Variants in CWC27 observed in about 807,000 individuals in gnomAD.
CWC27 encodes CWC27 spliceosome associated cyclophilin, also known as spliceosome-associated protein CWC27 homolog.
In CWC27, 47 loss-of-function variants were observed where a neutral mutation model predicts 63.6. That is an observed-to-expected ratio of 0.74 (90% confidence interval 0.58 to 0.94). The LOEUF is 0.94. Among genes scored for constraint, CWC27 ranks in the 40% least tolerant of loss-of-function variants. The pLI is 0.00. For missense variants in CWC27, 495 were observed against 554.3 expected, an observed-to-expected ratio of 0.89 and a Z score of 1.07; for synonymous variants, 175 against 179.8, an observed-to-expected ratio of 0.97 and a Z score of 0.22.
chr5:64,915,503 T>C (rs1747873126), intron 11 of CWC27, among the ~76,000 whole-genome samples: 3 of 152,192 alleles, frequency 2.0e-5, no homozygotes, highest in South Asian at 2.1e-4. Context: ...TTGTGTACTT[T>C]CCAGTATCTC....
At chr5:64,995,738 G>A (rs1749618948) in intron 13 of CWC27, among the ~76,000 whole-genome samples, 1 of 152,104 alleles carries the variant, frequency 6.6e-6, no homozygotes, top group Non-Finnish European at 1.5e-5. Context: ...CTGCTTAATT[G>A]TTGTAGCAAT....
At chr5:64,810,888 A>C (rs536544237) in intron 10 of CWC27, among the ~76,000 whole-genome samples, 2 of 152,258 alleles carry the variant, frequency 1.3e-5, no homozygotes, top group Admixed American at 1.3e-4. Context: ...TCTCAGCTGC[A>C]CTTGATTTTA....
chr5:64,947,526 C>T (rs1233698901), intron 11 of CWC27, among the ~76,000 whole-genome samples: 2 of 152,080 alleles, frequency 1.3e-5, no homozygotes, highest in Admixed American at 6.6e-5. Flanking sequence ...TTTATGTAAA[C>T]ATCATTTTAA....
intron 10 of CWC27, among the ~76,000 whole-genome samples, chr5:64,832,161 A>G (rs1289255447): frequency 2.0e-5 from 3 of 151,874 alleles, no homozygotes; most frequent in Non-Finnish European, 4.4e-5. Context: ...TGAATCTTTT[A>G]CCCATGTGTG....
rs1245861359 is a variant in CWC27 at position 64,786,545 on chromosome 5, G to C, written c.517G>C (p.Asp173His). Residue 173 changes from aspartate (D) to histidine (H), a missense_variant, in exon 6 of 14, where the codon GAC (aspartate) becomes CAC (histidine). Asp to His is a moderately conservative substitution (Grantham distance 81). Transcript: ENST00000381070. ...SCEVLFNPFD[D>H]IIPREIKRLK... ...ATAGGTTTTGTTTAATCCTTTTGAT[G>C]ACATCATTCCAAGGGAAATTAAAAG... is the stretch of plus-strand genomic sequence containing the variant. The C allele has an allele frequency of 5.1e-6, 8 of 1,564,920 alleles. No individual in the cohort carries two copies. The highest frequency in any genetic ancestry group is 6.9e-6 in the Non-Finnish European group (8 of 1,160,740).
At chr5:64,801,364 G>C in intron 9 of CWC27, 32 bp downstream of exon 9, 1 of 1,283,468 alleles carries the variant, frequency 7.8e-7, no homozygotes, top group Non-Finnish European at 1.0e-6. Context: ...AATATAGTTT[G>C]AACAATTCAT....
intron 10 of CWC27, among the ~76,000 whole-genome samples, chr5:64,817,601 A>G (rs1309657325): frequency 6.6e-6 from 1 of 152,144 alleles, no homozygotes; most frequent in African/African-American, 2.4e-5. Flanking sequence ...CTTTATGTGT[A>G]ATTGTCTTAT....
chr5:64,933,818 T>G (rs1349088664), intron 11 of CWC27, among the ~76,000 whole-genome samples: 2 of 152,210 alleles, frequency 1.3e-5, no homozygotes, highest in Non-Finnish European at 2.9e-5. Context: ...TCTTGAACTA[T>G]TTGAAGGTAC....
intron 10 of CWC27, among the ~76,000 whole-genome samples, chr5:64,808,768 T>C (rs1744776029): frequency 1.3e-5 from 2 of 152,188 alleles, no homozygotes; most frequent in African/African-American, 2.4e-5. Context: ...ATTTAATTAA[T>C]TATGTTCCAT....
At chr5:64,780,332 G>A (rs1743622731) in intron 2 of CWC27, among the ~76,000 whole-genome samples, 1 of 150,762 alleles carries the variant, frequency 6.6e-6, no homozygotes. Flanking sequence ...GTTTACACCT[G>A]TTGGCTCTTG....
intron 6 of CWC27, 75 bp from the exon 7 acceptor site, chr5:64,788,876 T>G: frequency 3.1e-6 from 3 of 953,528 alleles, no homozygotes; most frequent in Non-Finnish European, 4.8e-6. Context: ...GTTCTCTTGC[T>G]CTGAAAATAA....
chr5:64,933,361 A>C (rs1423629146), intron 11 of CWC27, among the ~76,000 whole-genome samples: 1 of 152,236 alleles, frequency 6.6e-6, no homozygotes, highest in African/African-American at 2.4e-5. Flanking sequence ...AAAAAGTTTT[A>C]AACTTGCAGA....
At chr5:64,957,842 G>A (rs1748832264) in intron 11 of CWC27, among the ~76,000 whole-genome samples, 1 of 152,094 alleles carries the variant, frequency 6.6e-6, no homozygotes. Flanking sequence ...CAGTTTTAAT[G>A]TTTTGTGTTC....
rs1208886397 is a variant in CWC27, at chr5:64,917,125, TGTGTTCTCTA to T, written c.1042+31580_1042+31589del. Among the ~76,000 whole-genome samples the T allele has an allele frequency of 2.0e-5, 3 of 152,322 alleles. No homozygotes were observed. The East Asian group carries it at 5.8e-4, about 29-fold the overall frequency. On this transcript the variant is annotated intron_variant, in intron 11 of 13. Transcript: ENST00000381070. Reference sequence around the variant, plus strand: ...GTTCTCATTCCTCTACAAAACTGACTGTGTTCTCTAATAACTATATGATGGGCTGGGAGAT... The same window carrying T: ...GTTCTCATTCCTCTACAAAACTGACTATAACTATATGATGGGCTGGGAGAT...
intron 13 of CWC27, among the ~76,000 whole-genome samples, chr5:65,014,233 AAT>A (rs1750013084): frequency 6.8e-6 from 1 of 148,114 alleles, no homozygotes; most frequent in South Asian, 2.1e-4. Context: ...TACAATATAT[AAT>A]AGATTACATA....
chr5:64,799,248 A>T (rs1040804569), intron 7 of CWC27, among the ~76,000 whole-genome samples: 6 of 152,136 alleles, frequency 3.9e-5, no homozygotes, highest in African/African-American at 1.4e-4. Flanking sequence ...AGAAGAAGAG[A>T]GGGTTAGCAA....
chr5:64,903,666 A>G (rs1747560039), intron 11 of CWC27, among the ~76,000 whole-genome samples: 1 of 152,210 alleles, frequency 6.6e-6, no homozygotes, highest in Admixed American at 6.5e-5. Flanking sequence ...CATGTTCTGC[A>G]CATGTACCCT....
chr5:64,842,490 G>A (rs541533636), intron 10 of CWC27, among the ~76,000 whole-genome samples: 1 of 152,178 alleles, frequency 6.6e-6, no homozygotes, highest in East Asian at 1.9e-4. Context: ...TTTTAGTAGA[G>A]ACGAGATTTC....
chr5:64,841,382 T>TCCCA (rs1215099194), intron 10 of CWC27, among the ~76,000 whole-genome samples: 1 of 152,176 alleles, frequency 6.6e-6, no homozygotes, highest in African/African-American at 2.4e-5. Flanking sequence ...CTCGTAAAGA[T>TCCCA]CCCACCACTT....
Sources: allele counts gnomAD v4.1 joint callset (sites outside exome capture counted in the v4.1 genomes callset), GRCh38; gene constraint gnomAD v4.1.1; transcripts MANE v1.5; gene names NCBI Gene and HGNC (gene_info 2026-07-23, HGNC 2026-07-21).